The following TRIM37 variants were observed in gnomAD, a reference collection of about 807,000 sequenced individuals.
The protein encoded by TRIM37 is tripartite motif containing 37, also known as E3 ubiquitin-protein ligase TRIM37.
A neutral mutation model predicts 129.8 loss-of-function variants in TRIM37; 80 were observed. That is an observed-to-expected ratio of 0.62 (90% CI 0.51 to 0.74). The LOEUF (loss-of-function observed/expected upper bound fraction) is 0.74. TRIM37 is among the 30% of genes least tolerant of loss of function. TRIM37 has a pLI of 0.00. For synonymous variants in TRIM37, 389 were observed against 387.1 expected, an observed-to-expected ratio of 1.00 and a Z score of -0.06; for missense variants, 1,054 against 1,176.5, an observed-to-expected ratio of 0.90 and a Z score of 1.52.
intron 17 of TRIM37, among the ~76,000 whole-genome samples, chr17:59,038,365 G>T (rs900508984): frequency 5.9e-5 from 9 of 152,066 alleles, no homozygotes; most frequent in African/African-American, 2.2e-4. Flanking sequence ...TTCCAGGTAG[G>T]CATGATATTT....
intron 9 of TRIM37, 69 bp downstream of exon 9, chr17:59,070,754 C>A (rs2146761076): frequency 3.4e-6 from 5 of 1,480,474 alleles, no homozygotes; most frequent in African/African-American, 1.4e-5. Context: ...AAAAAACATT[C>A]TTTTGAAACA....
At chr17:59,072,756 A>C (rs969472245) in intron 8 of TRIM37, among the ~76,000 whole-genome samples, 7 of 152,018 alleles carry the variant, frequency 4.6e-5, no homozygotes, top group African/African-American at 1.7e-4. Context: ...TCAAAAAAAA[A>C]AAAAAGTATC....
intron 8 of TRIM37, among the ~76,000 whole-genome samples, chr17:59,071,777 T>C (rs1329985025): frequency 6.6e-6 from 1 of 152,190 alleles, no homozygotes; most frequent in African/African-American, 2.4e-5. Context: ...ATAAGACTAC[T>C]AATTTTTTCT....
chr17:58,979,119 G>C (rs1199949528), downstream of TRIM37, among the ~76,000 whole-genome samples: 1 of 152,214 alleles, frequency 6.6e-6, no homozygotes, highest in Non-Finnish European at 1.5e-5. Context: ...AAAAGGAAGA[G>C]AGAAAGGCCC....
chr17:59,101,459 G>T (rs1023948417), intron 2 of TRIM37, among the ~76,000 whole-genome samples: 1 of 151,764 alleles, frequency 6.6e-6, no homozygotes, highest in Non-Finnish European at 1.5e-5. Context: ...GCATGGTAAT[G>T]ATAAAAACAG....
At chr17:59,031,529 C>T (rs749448438) in intron 18 of TRIM37, among the ~76,000 whole-genome samples, 1 of 152,184 alleles carries the variant, frequency 6.6e-6, no homozygotes, top group Non-Finnish European at 1.5e-5. Flanking sequence ...AGTAAGTCAC[C>T]TTTTTCTACG....
intron 9 of TRIM37, 41 bp downstream of exon 9, chr17:59,070,782 A>G: frequency 6.2e-7 from 1 of 1,603,804 alleles, no homozygotes; most frequent in Non-Finnish European, 8.5e-7. Flanking sequence ...GCATTTCCAC[A>G]TAAATTTCAA....
At chr17:59,059,247 C>T (rs1227369167) in intron 12 of TRIM37, 1 of 152,476 alleles carries the variant, frequency 6.6e-6, no homozygotes, top group Non-Finnish European at 1.5e-5. Context: ...TGGTGCATGC[C>T]TGTAATCCCA....
chr17:59,015,446 T>TA (rs1235988866), intron 21 of TRIM37, among the ~76,000 whole-genome samples, 164 bp downstream of exon 21: 1 of 150,390 alleles, frequency 6.6e-6, no homozygotes, highest in Non-Finnish European at 1.5e-5. Context: ...TTAAAAAAAA[T>TA]AAAAAAAATT....
intron 24 of TRIM37, among the ~76,000 whole-genome samples, chr17:58,986,377 T>G (rs1281938419): frequency 1.3e-5 from 2 of 151,834 alleles, no homozygotes; most frequent in Admixed American, 1.3e-4. Flanking sequence ...TTTATTATTA[T>G]TAGTGGAGGT....
chr17:59,034,050 T>A (rs537398361), intron 17 of TRIM37, among the ~76,000 whole-genome samples: 1 of 150,360 alleles, frequency 6.7e-6, no homozygotes, highest in African/African-American at 2.5e-5. Context: ...GAGGTTACAG[T>A]GAGCCAAGAT....
downstream of TRIM37, chr17:58,980,655 A>G (rs1338458031): frequency 2.2e-5 from 35 of 1,614,054 alleles, 1 homozygote; most frequent in East Asian, 2.0e-4. The surrounding 1 kb of genome is among the most constrained non-coding windows in gnomAD (Gnocchi z 4.7). Flanking sequence ...ACTGCTTTCA[A>G]TTTGGGTTCA....
At chr17:59,043,677 G>C (rs2039486187) in intron 16 of TRIM37, among the ~76,000 whole-genome samples, 1 of 152,162 alleles carries the variant, frequency 6.6e-6, no homozygotes, top group Non-Finnish European at 1.5e-5. Context: ...GCTCTACCTG[G>C]ATGCAGCATG....
intron 12 of TRIM37, among the ~76,000 whole-genome samples, chr17:59,058,236 T>A (rs1412048153): frequency 6.6e-6 from 1 of 152,158 alleles, no homozygotes; most frequent in Non-Finnish European, 1.5e-5. Flanking sequence ...GCAACATGGA[T>A]GGATGGAGCT....
chr17:59,032,531 C>CA (rs35442859), intron 17 of TRIM37, among the ~76,000 whole-genome samples: 30,266 of 84,650 alleles, frequency 0.36, 5,083 homozygotes, highest in South Asian at 0.5. Flanking sequence ...GACTCCGTCT[C>CA]AAAAAAAAAA....
At chr17:59,101,270 T>C (rs1306311516) in intron 2 of TRIM37, among the ~76,000 whole-genome samples, 2 of 152,108 alleles carry the variant, frequency 1.3e-5, no homozygotes, top group Non-Finnish European at 2.9e-5. Context: ...ATTTTATCCT[T>C]TACATAATAC....
chr17:59,007,158 AACACACACACACACACACACACACAC>A (rs540872393), intron 22 of TRIM37, among the ~76,000 whole-genome samples: 1 of 8,332 alleles, frequency 1.2e-4, no homozygotes, highest in Non-Finnish European at 1.9e-4. Context: ...CCCACCCTCC[AACACACACACACACACACACACACAC>A]ACACACACAC....
intron 4 of TRIM37, among the ~76,000 whole-genome samples, chr17:59,086,988 A>G (rs1427714983): frequency 6.6e-6 from 1 of 152,242 alleles, no homozygotes; most frequent in East Asian, 1.9e-4. Context: ...GAAATGTGCC[A>G]TTGTATAGAA....
intron 7 of TRIM37, among the ~76,000 whole-genome samples, chr17:59,077,160 T>A (rs770348447): frequency 6.6e-6 from 1 of 151,970 alleles, no homozygotes; most frequent in Non-Finnish European, 1.5e-5. Context: ...AGTGGCGTGA[T>A]CTCGGCTCAC....
Sources: allele counts gnomAD v4.1 joint callset (sites outside exome capture counted in the v4.1 genomes callset), GRCh38; gene constraint gnomAD v4.1.1; non-coding constraint Gnocchi (gnomAD v3.1); transcripts MANE v1.5; gene names NCBI Gene and HGNC (gene_info 2026-07-23, HGNC 2026-07-21).